Variants in CDK12 observed in about 807,000 individuals in gnomAD.
CDK12 encodes cyclin dependent kinase 12.
Under a neutral mutation model 133.8 loss-of-function variants are expected in CDK12, and 17 were observed. The ratio of observed to expected loss-of-function variants is 0.13; its 90% CI spans 0.09 to 0.19. CDK12 has a LOEUF of 0.19. CDK12 is among the 10% of genes least tolerant of loss of function. The probability of loss-of-function intolerance (pLI) is 1.00; values close to 1 mark genes in which losing one functional copy is unlikely to be tolerated. For synonymous variants in CDK12, 694 were observed against 683.6 expected (o/e 1.02, Z -0.24); for missense variants, 1,508 against 1,818.7 (o/e 0.83, Z 3.11).
chr17:39,497,797 ATC>A (rs990563098), intron 5 of CDK12, among the ~76,000 whole-genome samples: 2 of 151,724 alleles, frequency 1.3e-5, no homozygotes, highest in Non-Finnish European at 2.9e-5. Flanking sequence ...TAGAAACAGG[ATC>A]TCTCTATGTT....
chr17:39,543,823 A>T (rs938796473), upstream of CDK12, among the ~76,000 whole-genome samples: 2 of 152,164 alleles, frequency 1.3e-5, no homozygotes, highest in Non-Finnish European at 2.9e-5. Context: ...AGGAGCTGTT[A>T]TGGATGAGAG....
rs1273590659 is a variant in CDK12 at position 39,532,847 on chromosome 17, A to G, written c.*1531A>G. 4 of 232,818 alleles carry G rather than the reference A, an allele frequency of 1.7e-5. No homozygotes were observed. Among genetic ancestry groups the G allele is most frequent in the South Asian group, 1.8e-4 (1 of 5,538 alleles). The allele number at this position is 232,818 out of a possible 1,614,324, so 14.4% of individuals were successfully genotyped here. On this transcript the variant is annotated 3_prime_UTR_variant, in exon 14 of 14. Transcript: ENST00000447079. ...GCTTCTCATTCTGGCTTCTATTTCT[A>G]TGTGAGTACCAGCATATAGAGTGTT...
At chr17:39,523,900 C>T (rs185052223) in intron 11 of CDK12, among the ~76,000 whole-genome samples, 3 of 152,288 alleles carry the variant, frequency 2.0e-5, no homozygotes, top group East Asian at 1.9e-4. Flanking sequence ...ATCCGCCTGC[C>T]TCTACCTCCC....
intron 13 of CDK12, chr17:39,530,358 C>A: frequency 4.4e-6 from 2 of 451,736 alleles, no homozygotes; most frequent in Non-Finnish European, 7.4e-6. Flanking sequence ...AAATCTTAGA[C>A]CAAAATCAGG....
chr17:39,512,891 C>A (rs1179714173), intron 8 of CDK12, among the ~76,000 whole-genome samples: 1 of 152,122 alleles, frequency 6.6e-6, no homozygotes, highest in African/African-American at 2.4e-5. Flanking sequence ...ATTATGAATT[C>A]TTGGATTTAA....
At chr17:39,539,042 G>A (rs894687336), downstream of CDK12, among the ~76,000 whole-genome samples, 5 of 152,144 alleles carry the variant, frequency 3.3e-5, no homozygotes, top group African/African-American at 1.2e-4. Flanking sequence ...TAAACTAGAG[G>A]AAGTAAAGAG....
chr17:39,477,309 C>T (rs1293925828), intron 2 of CDK12, among the ~76,000 whole-genome samples: 6 of 152,088 alleles, frequency 3.9e-5, no homozygotes, highest in Admixed American at 3.9e-4. Flanking sequence ...GATCTTGGCT[C>T]ACCACAACCT....
rs1598198527 is a variant in CDK12, at chr17:39,532,405, T to C, written c.*1089T>C. ...GCTGTGGTTAGAGATGATGCCTCCA[T>C]TCCTAGAGGGCTAATAACAGCATTT... On this transcript the variant is annotated 3_prime_UTR_variant, in exon 14 of 14. Transcript: ENST00000447079. 4.3e-6 allele frequency: 1 copy of C among 232,930 alleles called. No individual in the cohort carries two copies. The highest frequency in any genetic ancestry group is 1.8e-4 in the South Asian group (1 of 5,526). The allele number at this position is 232,930 out of a possible 1,614,324, so 14.4% of individuals were successfully genotyped here.
chr17:39,516,983 G>C (rs930589218), intron 9 of CDK12, among the ~76,000 whole-genome samples: 1 of 152,050 alleles, frequency 6.6e-6, no homozygotes, highest in Non-Finnish European at 1.5e-5. Flanking sequence ...TTTTTTAAAG[G>C]TGATAAAGGT....
At chr17:39,506,359 C>T (rs927696380) in intron 6 of CDK12, among the ~76,000 whole-genome samples, 6 of 151,718 alleles carry the variant, frequency 4.0e-5, no homozygotes, top group East Asian at 3.9e-4. Flanking sequence ...GGAATACAGG[C>T]GCATGCCACC....
chr17:39,543,637 G>T (rs570025023), upstream of CDK12, among the ~76,000 whole-genome samples: 1 of 152,180 alleles, frequency 6.6e-6, no homozygotes, highest in African/African-American at 2.4e-5. Context: ...TATCCTTTAC[G>T]TTTTGTTCAT....
At position 39,462,947 on chromosome 17, in the gene CDK12, G is replaced by A; in HGVS notation, c.876G>A (p.Pro292=). The change falls in exon 1 of 14, where the codon CCG becomes CCA. Residue 292 remains proline, a synonymous_variant. Coordinates refer to ENST00000447079, the MANE Select transcript of CDK12 (RefSeq NM_016507.4). ...CCTACCAGTCCAGCACCCGGTCACCGAGCCCCTACAGTAGGCGACAGAGAT... is the reference window on the plus strand; with the variant it reads ...CCTACCAGTCCAGCACCCGGTCACCAAGCCCCTACAGTAGGCGACAGAGAT... The part of the protein sequence containing the change: ...PSAYQSSTRS[P]SPYSRRQRSV... 1 of 1,614,158 alleles carries A rather than the reference G, an allele frequency of 6.2e-7. No individual in the cohort carries two copies. The highest frequency in any genetic ancestry group is 8.5e-7 in the Non-Finnish European group (1 of 1,180,028).
rs1261960315 is a variant in CDK12, at chr17:39,462,108, G to C, written c.37G>C (p.Gly13Arg). The C allele has an allele frequency of 3.1e-6, 5 of 1,613,992 alleles. No homozygotes were observed. The highest frequency in any genetic ancestry group is 4.5e-5 in the East Asian group (2 of 44,884). ...AGAGAGACATGGGGGCAAGAAGGACGGGAGTGGAGGAGCTTCTGGAACTTT... is the reference window on the plus strand; with the variant it reads ...AGAGAGACATGGGGGCAAGAAGGACCGGAGTGGAGGAGCTTCTGGAACTTT... ...NSERHGGKKD[G>R]SGGASGTLQP... The change falls in exon 1 of 14, where the codon GGG (glycine) becomes CGG (arginine). Residue 13 changes from glycine (G) to arginine (R), a missense_variant. By Grantham distance (125) the Gly-to-Arg change is moderately radical (BLOSUM62 -2). Transcript: ENST00000447079.
At chr17:39,515,969 T>C (rs1217617451) in intron 9 of CDK12, among the ~76,000 whole-genome samples, 161 bp downstream of exon 9, 1 of 152,268 alleles carries the variant, frequency 6.6e-6, no homozygotes, top group Non-Finnish European at 1.5e-5. Context: ...TCATAGGCTA[T>C]ACATATAAAG....
At chr17:39,505,388 G>A (rs1337350883) in intron 6 of CDK12, among the ~76,000 whole-genome samples, 1 of 151,728 alleles carries the variant, frequency 6.6e-6, no homozygotes, top group African/African-American at 2.4e-5. Context: ...AGCTGGGTGT[G>A]GAGGTGCGTG....
At chr17:39,469,741 G>A (rs542406307) in intron 1 of CDK12, among the ~76,000 whole-genome samples, 3 of 151,040 alleles carry the variant, frequency 2.0e-5, no homozygotes, top group Non-Finnish European at 2.9e-5. Flanking sequence ...GGGTTCAAGC[G>A]ATTCTCCTGC....
At chr17:39,499,742 G>C (rs1180923708) in intron 5 of CDK12, among the ~76,000 whole-genome samples, 1 of 151,556 alleles carries the variant, frequency 6.6e-6, no homozygotes, top group African/African-American at 2.4e-5. Flanking sequence ...TCGAACTCCT[G>C]ACCTCAGGCA....
chr17:39,463,154 G>A (rs1336674025), intron 1 of CDK12, 37 bp downstream of exon 1: 1 of 1,574,592 alleles, frequency 6.4e-7, no homozygotes, highest in Non-Finnish European at 8.7e-7. Context: ...CTCATTTAGG[G>A]TGGGTTGCGA....
Position 39,525,867 on chromosome 17 carries a change from T to G in CDK12, c.3311T>G (p.Leu1104Arg). ...TGGCTTCACTGTCTTTCAACAGGCC[T>G]TGCTGACATCACACAACAGCTGAAT... ...VESGAGDAIGLADITQQLNQS... is the reference protein window; with the variant it reads ...VESGAGDAIGRADITQQLNQS... Residue 1104 changes from leucine to arginine, a missense_variant, in exon 13 of 14, where the codon CTT becomes CGT. Leu to Arg is a moderately radical substitution (Grantham distance 102, BLOSUM62 -2). Around this residue, in one of 9 missense-constraint regions of CDK12, gnomAD observed 399 missense variants for 469.6 expected, o/e 0.85. Transcript: ENST00000447079. The G allele has an allele frequency of 1.9e-6, 3 of 1,613,092 alleles. No individual in the cohort carries two copies. The highest frequency in any genetic ancestry group is 2.5e-6 in the Non-Finnish European group (3 of 1,179,222).
Sources: gnomAD v4.1 joint callset for allele counts (sites outside exome capture counted in the v4.1 genomes callset) on GRCh38, gnomAD v4.1.1 for gene constraint, gnomAD v4.1.1 regional missense constraint, MANE v1.5 for transcripts, NCBI Gene and HGNC (gene_info 2026-07-23, HGNC 2026-07-21) for gene names.